The following IGSF11 variants were observed in gnomAD, a reference collection of about 807,000 sequenced individuals.
The protein encoded by IGSF11 is immunoglobulin superfamily member 11.
In IGSF11, 22 loss-of-function variants were observed where a neutral mutation model predicts 41.0. The ratio of observed to expected loss-of-function variants is 0.54; its 90% CI spans 0.38 to 0.77. IGSF11 has a LOEUF of 0.77. Among genes scored for constraint, IGSF11 ranks in the 30% least tolerant of loss-of-function variants. IGSF11 has a pLI of 0.00. For synonymous variants in IGSF11, 219 were observed against 201.3 expected (o/e 1.09, Z -0.74); for missense variants, 444 against 530.8 (o/e 0.84, Z 1.61).
intron 1 of IGSF11, among the ~76,000 whole-genome samples, chr3:118,969,365 A>C (rs1933103300): frequency 6.6e-6 from 1 of 152,194 alleles, no homozygotes; most frequent in South Asian, 2.1e-4. Context: ...AGTATACACA[A>C]AGAAAGAGCA....
rs1576532264 is a variant in IGSF11, at chr3:118,975,924, T to C, written c.53-45649A>G. Among the ~76,000 whole-genome samples, 5 of 152,290 alleles carry C rather than the reference T, an allele frequency of 3.3e-5. No homozygotes were observed. The South Asian group carries it at 1.0e-3, about 32-fold the overall frequency. On this transcript the variant is annotated intron_variant, in intron 1 of 6. Coordinates refer to ENST00000393775, the MANE Select transcript of IGSF11 (RefSeq NM_001015887.3). ...ACTACCTATTGAGTACTATGCTCAC[T>C]ACCTGGGTGACAGGATCATTTGTAC...
chr3:119,056,339 A>C (rs1288658480), intron 1 of IGSF11, among the ~76,000 whole-genome samples: 1 of 152,218 alleles, frequency 6.6e-6, no homozygotes, highest in East Asian at 1.9e-4. Flanking sequence ...GAATACTATA[A>C]ACACCTCTAT....
chr3:119,048,847 G>T (rs1941487478), intron 1 of IGSF11, among the ~76,000 whole-genome samples: 2 of 151,972 alleles, frequency 1.3e-5, no homozygotes, highest in Admixed American at 1.3e-4. Context: ...TTCAATATAT[G>T]CAAATCAGTA....
At chr3:119,004,413 G>T (rs1937260297) in intron 1 of IGSF11, among the ~76,000 whole-genome samples, 1 of 151,642 alleles carries the variant, frequency 6.6e-6, no homozygotes, top group Non-Finnish European at 1.5e-5. Context: ...CAAAAAACCA[G>T]CTCCTGGATT....
chr3:119,019,450 C>T (rs1043792419), intron 1 of IGSF11, among the ~76,000 whole-genome samples: 1 of 150,220 alleles, frequency 6.7e-6, no homozygotes, highest in African/African-American at 2.5e-5. Context: ...TTATTTCAGG[C>T]AGATCCAAGA....
At chr3:118,923,751 T>G (rs1400897029) in intron 4 of IGSF11, among the ~76,000 whole-genome samples, 1 of 151,124 alleles carries the variant, frequency 6.6e-6, no homozygotes, top group African/African-American at 2.4e-5. Flanking sequence ...TGCCTTCACG[T>G]TTGTTTGTTT....
intron 1 of IGSF11, among the ~76,000 whole-genome samples, chr3:119,053,730 C>A (rs983280736): frequency 3.9e-5 from 6 of 151,916 alleles, no homozygotes; most frequent in Non-Finnish European, 8.8e-5. Context: ...GCAAAAAGAA[C>A]AAATCTGGAG....
intron 1 of IGSF11, chr3:119,112,777 A>T (rs941853879): frequency 6.6e-6 from 1 of 152,430 alleles, no homozygotes; most frequent in African/African-American, 2.4e-5. Context: ...TTATCCATTC[A>T]TCTGTTGATG....
chr3:119,033,915 A>G (rs1940656289), intron 1 of IGSF11, among the ~76,000 whole-genome samples: 1 of 152,314 alleles, frequency 6.6e-6, no homozygotes, highest in Middle Eastern at 3.4e-3. Flanking sequence ...ATTTAAAGAC[A>G]TTTATTTATT....
chr3:119,061,387 C>T (rs955639425), intron 1 of IGSF11, among the ~76,000 whole-genome samples: 5 of 152,158 alleles, frequency 3.3e-5, no homozygotes, highest in African/African-American at 4.8e-5. Flanking sequence ...CAGAGATTCT[C>T]TGACACCAGC....
chr3:119,003,913 T>C (rs559303303), intron 1 of IGSF11, among the ~76,000 whole-genome samples: 163 of 148,630 alleles, frequency 1.1e-3, no homozygotes, highest in African/African-American at 2.3e-3. Flanking sequence ...AGGATATTGG[T>C]CTAATATTCT....
intron 1 of IGSF11, among the ~76,000 whole-genome samples, chr3:119,016,520 G>A (rs567017093): frequency 2.0e-5 from 3 of 152,154 alleles, no homozygotes; most frequent in African/African-American, 7.2e-5. Flanking sequence ...AAAATATTTA[G>A]AATGCTGAAG....
chr3:119,033,690 C>T (rs1047673397), intron 1 of IGSF11, among the ~76,000 whole-genome samples: 10 of 151,958 alleles, frequency 6.6e-5, no homozygotes, highest in African/African-American at 2.2e-4. Context: ...TAAATAACAT[C>T]CTTCAGAAAA....
At chr3:118,995,214 G>C (rs1936149329) in intron 1 of IGSF11, among the ~76,000 whole-genome samples, 1 of 152,102 alleles carries the variant, frequency 6.6e-6, no homozygotes, top group Non-Finnish European at 1.5e-5. Flanking sequence ...CTAGAACAAG[G>C]GTTCTCCAGG....
At chr3:119,118,668 G>A (rs933526242) in intron 1 of IGSF11, among the ~76,000 whole-genome samples, 3 of 152,036 alleles carry the variant, frequency 2.0e-5, no homozygotes, top group Admixed American at 1.3e-4. Context: ...TTGAATTTCT[G>A]CTCAGAAAAA....
intron 1 of IGSF11, among the ~76,000 whole-genome samples, chr3:119,070,483 T>A (rs1356121243): frequency 6.6e-6 from 1 of 152,218 alleles, no homozygotes; most frequent in African/African-American, 2.4e-5. Flanking sequence ...CTTCATGCAG[T>A]CTCAAAATTT....
At chr3:118,981,148 G>A (rs1357296091) in intron 1 of IGSF11, among the ~76,000 whole-genome samples, 1 of 152,024 alleles carries the variant, frequency 6.6e-6, no homozygotes, top group East Asian at 1.9e-4. Context: ...ATTATTTTAT[G>A]TTGCTTTGGC....
intron 4 of IGSF11, among the ~76,000 whole-genome samples, chr3:118,913,888 A>G (rs1464690289): frequency 6.6e-6 from 1 of 152,238 alleles, no homozygotes; most frequent in East Asian, 1.9e-4. Context: ...CACAGAAATT[A>G]AACATATCAG....
intron 1 of IGSF11, among the ~76,000 whole-genome samples, chr3:119,110,815 G>A (rs1319182994): frequency 6.6e-6 from 1 of 151,442 alleles, no homozygotes; most frequent in Non-Finnish European, 1.5e-5. Context: ...GCATTTGCTT[G>A]TCTGTAAAGT....
Sources: gnomAD v4.1 joint callset for allele counts (sites outside exome capture counted in the v4.1 genomes callset) on GRCh38, gnomAD v4.1.1 for gene constraint, MANE v1.5 for transcripts, NCBI Gene and HGNC (gene_info 2026-07-23, HGNC 2026-07-21) for gene names.